Variants in DRC11 observed in about 807,000 individuals in gnomAD.
DRC11 encodes IQ and AAA domain-containing protein 1.
At chr2:236,387,037 A>C in the DRC11 span, among the ~76,000 whole-genome samples, 35 of 151,858 alleles carry the variant, frequency 2.3e-4, no homozygotes, top group African/African-American at 8.2e-4. Context: ...ATAGTTTGTT[A>C]TAATTTCTGT....
At chr2:236,358,371 AGATATATATTTATGATATATG>A in the DRC11 span, among the ~76,000 whole-genome samples, 7 of 130,462 alleles carry the variant, frequency 5.4e-5, no homozygotes, top group Non-Finnish European at 9.9e-5. Context: ...TATAATATAT[AGATATATATTTATGATATATG>A]AATATCATAT....
chr2:236,332,547 G>C, the DRC11 span: 1 of 152,146 alleles, frequency 6.6e-6, no homozygotes, highest in South Asian at 2.1e-4. This position sits in a 1 kb window ranked among gnomAD's most constrained non-coding sequence, Gnocchi z 5.1. Context: ...TTTTCTTGAG[G>C]AACACTTGAA....
At chr2:236,353,995 A>G in the DRC11 span, among the ~76,000 whole-genome samples, 28 of 152,280 alleles carry the variant, frequency 1.8e-4, no homozygotes, top group African/African-American at 6.5e-4. The surrounding 1 kb of genome is among the most constrained non-coding windows in gnomAD (Gnocchi z 5.0). Context: ...GGTTACTTCA[A>G]GTCCTCACTG....
At chr2:236,463,896 G>A in the DRC11 span, among the ~76,000 whole-genome samples, 2 of 152,190 alleles carry the variant, frequency 1.3e-5, no homozygotes, top group East Asian at 1.9e-4. This position sits in a 1 kb window ranked among gnomAD's most constrained non-coding sequence, Gnocchi z 5.0. Flanking sequence ...CACCTGGGTC[G>A]AGGGGATCCA....
At chr2:236,334,920 CG>C in the DRC11 span, among the ~76,000 whole-genome samples, 2 of 152,058 alleles carry the variant, frequency 1.3e-5, no homozygotes, top group African/African-American at 4.8e-5. The surrounding 1 kb of genome is among the most constrained non-coding windows in gnomAD (Gnocchi z 7.8). Context: ...TGTGGAGAAA[CG>C]GAAGCCCGAA....
the DRC11 span, among the ~76,000 whole-genome samples, chr2:236,496,722 T>G: frequency 6.6e-6 from 1 of 152,356 alleles, no homozygotes; most frequent in Non-Finnish European, 1.5e-5. This position sits in a 1 kb window ranked among gnomAD's most constrained non-coding sequence, Gnocchi z 6.3. Context: ...GGGTCACCAC[T>G]GACCCAAAGT....
chr2:236,436,989 G>C, the DRC11 span, among the ~76,000 whole-genome samples: 1 of 151,766 alleles, frequency 6.6e-6, no homozygotes, highest in East Asian at 1.9e-4. Flanking sequence ...TGTGCACAAT[G>C]TGCAGGTTAG....
chr2:236,371,840 TTATG>T, the DRC11 span, among the ~76,000 whole-genome samples: 1 of 152,194 alleles, frequency 6.6e-6, no homozygotes, highest in African/African-American at 2.4e-5. The surrounding 1 kb of genome is among the most constrained non-coding windows in gnomAD (Gnocchi z 5.1). Flanking sequence ...CCTGAGCATC[TTATG>T]TATGTCACTC....
At chr2:236,346,902 C>G in the DRC11 span, among the ~76,000 whole-genome samples, 5 of 152,190 alleles carry the variant, frequency 3.3e-5, no homozygotes, top group Admixed American at 3.3e-4. Flanking sequence ...TTTAACTGGC[C>G]TATGACCTTC....
the DRC11 span, among the ~76,000 whole-genome samples, chr2:236,387,527 C>G: frequency 6.6e-6 from 1 of 152,040 alleles, no homozygotes; most frequent in Non-Finnish European, 1.5e-5. Context: ...AGATCTTCCT[C>G]CATCCTTTTA....
the DRC11 span, chr2:236,369,225 C>T: frequency 2.0e-5 from 3 of 152,162 alleles, no homozygotes; most frequent in South Asian, 2.1e-4. The surrounding 1 kb of genome is among the most constrained non-coding windows in gnomAD (Gnocchi z 4.5). Context: ...GTAGGAAACA[C>T]TGAAAGTATC....
chr2:236,367,363 A>G, the DRC11 span, among the ~76,000 whole-genome samples: 3 of 150,026 alleles, frequency 2.0e-5, no homozygotes, highest in Non-Finnish European at 4.4e-5. This position sits in a 1 kb window ranked among gnomAD's most constrained non-coding sequence, Gnocchi z 4.8. Context: ...TTCTGACATC[A>G]ATTTAGAAGA....
the DRC11 span, among the ~76,000 whole-genome samples, chr2:236,325,263 T>G: frequency 4.6e-5 from 7 of 152,220 alleles, no homozygotes; most frequent in Non-Finnish European, 1.0e-4. The surrounding 1 kb of genome is among the most constrained non-coding windows in gnomAD (Gnocchi z 4.4). Context: ...AATGGCATTT[T>G]TCTCAACCTT....
chr2:236,490,732 T>C, the DRC11 span, among the ~76,000 whole-genome samples: 1 of 151,992 alleles, frequency 6.6e-6, no homozygotes, highest in Non-Finnish European at 1.5e-5. The surrounding 1 kb of genome is among the most constrained non-coding windows in gnomAD (Gnocchi z 5.5). Context: ...TGGATATTAA[T>C]GTAGGAGATG....
the DRC11 span, chr2:236,324,070 T>G: frequency 6.6e-6 from 1 of 152,224 alleles, no homozygotes; most frequent in Non-Finnish European, 1.5e-5. The surrounding 1 kb of genome is among the most constrained non-coding windows in gnomAD (Gnocchi z 5.7). Flanking sequence ...ACTCCAGCTA[T>G]CTCAGCTTCA....
At chr2:236,459,331 A>G in the DRC11 span, among the ~76,000 whole-genome samples, 1 of 151,956 alleles carries the variant, frequency 6.6e-6, no homozygotes, top group Non-Finnish European at 1.5e-5. Context: ...AAAGATCATA[A>G]TCAATTAATT....
chr2:236,491,017 GTA>G, the DRC11 span, among the ~76,000 whole-genome samples: 8 of 135,798 alleles, frequency 5.9e-5, no homozygotes, highest in East Asian at 2.1e-4. Context: ...GTATATATGT[GTA>G]TATATATGTG....
the DRC11 span, among the ~76,000 whole-genome samples, chr2:236,483,675 G>A: frequency 6.6e-6 from 1 of 152,148 alleles, no homozygotes; most frequent in Non-Finnish European, 1.5e-5. The surrounding 1 kb of genome is among the most constrained non-coding windows in gnomAD (Gnocchi z 4.8). Context: ...GGCCATGACT[G>A]CAGATGAAGC....
chr2:236,442,900 C>G, the DRC11 span, among the ~76,000 whole-genome samples: 84 of 152,262 alleles, frequency 5.5e-4, no homozygotes, highest in African/African-American at 2.0e-3. Flanking sequence ...GAGGAAAAGT[C>G]TCCCCAAAAC....
Sources: gnomAD v4.1 joint callset for allele counts (sites outside exome capture counted in the v4.1 genomes callset) on GRCh38, gnomAD v4.1.1 for gene constraint, Gnocchi (gnomAD v3.1) non-coding constraint, MANE v1.5 for transcripts, NCBI Gene and HGNC (gene_info 2026-07-23, HGNC 2026-07-21) for gene names.